SFXN5: variants seen among roughly 807,000 people sequenced by gnomAD.
The protein encoded by SFXN5 is sideroflexin 5.
Under a neutral mutation model 50.2 loss-of-function variants are expected in SFXN5, and 43 were observed. The ratio of observed to expected loss-of-function variants is 0.86; its 90% CI spans 0.67 to 1.11. The LOEUF (loss-of-function observed/expected upper bound fraction) is 1.11, where lower values mean the gene tolerates loss of function less well. SFXN5 is among the 50% of genes least tolerant of loss of function. SFXN5 has a pLI of 0.00. For synonymous variants in SFXN5, 203 were observed against 185.8 expected (o/e 1.09, Z -0.75); for missense variants, 463 against 454.1 (o/e 1.02, Z -0.18).
chr2:73,050,388 G>GCGCACACACACACACACACACACACACA lies in SFXN5; in HGVS notation c.171+8139_171+8140insTGTGTGTGTGTGTGTGTGTGTGTGTGCG. On this transcript the variant is annotated intron_variant, in intron 2 of 13. Transcript: ENST00000272433. ...GTGGAGGTAGCGCCGCAGCCACAGC[G>GCGCACACACACACACACACACACACACA]CACGCACACACACACACACACACAC... Among the ~76,000 whole-genome samples, 140 of 143,908 alleles carry GCGCACACACACACACACACACACACACA rather than the reference G, an allele frequency of 9.7e-4. 1 individual carries two copies. The Middle Eastern group carries it at 0.011, about 11-fold the overall frequency. 94.4% of individuals were successfully genotyped at this position (143,908 alleles called of 152,430 possible). A position where few individuals can be genotyped will look rare whatever the true frequency, so the allele number is the denominator to read the frequency against.
chr2:73,027,146 G>A (rs1677672809), intron 3 of SFXN5, among the ~76,000 whole-genome samples: 1 of 152,190 alleles, frequency 6.6e-6, no homozygotes. Flanking sequence ...ACTTATCATA[G>A]GAGATGACAG....
intron 9 of SFXN5, among the ~76,000 whole-genome samples, chr2:72,989,200 C>T (rs977581725): frequency 5.3e-5 from 8 of 152,180 alleles, no homozygotes; most frequent in Non-Finnish European, 1.0e-4. Context: ...TCAGATCCTC[C>T]GTGAGCCTTC....
intron 2 of SFXN5, chr2:73,058,228 G>T: frequency 3.8e-6 from 1 of 260,278 alleles, no homozygotes; most frequent in Non-Finnish European, 7.4e-6. Flanking sequence ...TTATGTACTT[G>T]ATAATAATTT....
chr2:73,064,615 A>T (rs1463156671), intron 1 of SFXN5, among the ~76,000 whole-genome samples: 1 of 152,136 alleles, frequency 6.6e-6, no homozygotes, highest in African/African-American at 2.4e-5. Context: ...CTCAGCCCAC[A>T]CAAATCTCCC....
intron 1 of SFXN5, among the ~76,000 whole-genome samples, chr2:73,064,761 T>C (rs1307586552): frequency 6.6e-6 from 1 of 152,196 alleles, no homozygotes; most frequent in Admixed American, 6.5e-5. Context: ...TCTCAGCAGA[T>C]AAGTGAGACT....
chr2:73,067,930 C>T (rs767038941), intron 1 of SFXN5, among the ~76,000 whole-genome samples: 9 of 152,188 alleles, frequency 5.9e-5, no homozygotes, highest in Non-Finnish European at 1.0e-4. Context: ...ATCATTGCAC[C>T]TGCTTCACAG....
At chr2:73,035,733 T>G (rs1453591748) in intron 3 of SFXN5, among the ~76,000 whole-genome samples, 3 of 152,034 alleles carry the variant, frequency 2.0e-5, no homozygotes, top group Non-Finnish European at 4.4e-5. Flanking sequence ...CTCCTGACTT[T>G]AGGTGATCCA....
intron 12 of SFXN5, among the ~76,000 whole-genome samples, chr2:72,966,112 C>T (rs995437644): frequency 3.3e-5 from 5 of 152,168 alleles, no homozygotes; most frequent in African/African-American, 4.8e-5. Context: ...TGATGTGGTA[C>T]GTGGGTGGAC....
At chr2:72,995,621 G>A (rs79371762) in intron 9 of SFXN5, among the ~76,000 whole-genome samples, 1 of 152,024 alleles carries the variant, frequency 6.6e-6, no homozygotes, top group Admixed American at 6.5e-5. Flanking sequence ...TGCTTGTAGG[G>A]ACTCGTTTTA....
At chr2:72,998,093 T>A (rs1238125240) in intron 9 of SFXN5, 1 of 151,944 alleles carries the variant, frequency 6.6e-6, no homozygotes, top group Non-Finnish European at 1.5e-5. Context: ...ATTTTCTAAT[T>A]TTTTTTTTCT....
chr2:72,975,088 A>C (rs1041235238), intron 10 of SFXN5, among the ~76,000 whole-genome samples: 4 of 152,238 alleles, frequency 2.6e-5, no homozygotes, highest in Non-Finnish European at 5.9e-5. Context: ...AAGGAATGAG[A>C]GAGAGAAAGA....
intron 3 of SFXN5, among the ~76,000 whole-genome samples, chr2:73,033,488 G>C (rs1271791493): frequency 6.6e-6 from 1 of 152,252 alleles, no homozygotes; most frequent in African/African-American, 2.4e-5. Context: ...AAGTAAGATA[G>C]TCAGGGTGGG....
chr2:73,048,112 T>C (rs1055158369), intron 2 of SFXN5, among the ~76,000 whole-genome samples: 5 of 152,260 alleles, frequency 3.3e-5, no homozygotes, highest in African/African-American at 9.6e-5. Context: ...TATATAACCA[T>C]GTATGACATC....
chr2:73,050,328 C>T (rs1681079140), intron 2 of SFXN5, among the ~76,000 whole-genome samples: 1 of 151,882 alleles, frequency 6.6e-6, no homozygotes, highest in Non-Finnish European at 1.5e-5. Context: ...TCTTCCTGGG[C>T]CCCAAGGCTG....
rs772981750 is a variant in SFXN5 at position 73,000,458 on chromosome 2, G to C, written c.441C>G (p.Val147=). 7.0e-6 allele frequency: 11 copies of C among 1,560,676 alleles called. No homozygotes were observed. The African/African-American group carries it at 9.5e-5, about 13-fold the overall frequency. The change falls in exon 8 of 14, where the codon GTC becomes GTG. Residue 147 remains valine (V), a synonymous_variant. Transcript: ENST00000272433. ...TGGTCGCATTGCGGTTTGCATAGTT[G>C]ACACAGGCATTGTGGCTCTGGTTCA... is the stretch of plus-strand genomic sequence containing the variant. ...QWLNQSHNAC[V]NYANRNATKP...
rs1040803262 is a variant in SFXN5, at chr2:73,022,689, A to G, written c.277-113T>C. 3.4e-5 allele frequency: 24 copies of G among 712,690 alleles called. No homozygotes were observed. In the African/African-American group the frequency reaches 3.9e-4, roughly 11 times the overall value. 44.1% of individuals were successfully genotyped at this position (712,690 alleles called of 1,614,324 possible). A position where few individuals can be genotyped will look rare whatever the true frequency, so the allele number is the denominator to read the frequency against. Reference sequence around the variant, plus strand: ...GAGGCATTAGGGGAGGAAGAAGGGAAGAAGACAACTTCTCTGGGAAGATTC... The same window carrying G: ...GAGGCATTAGGGGAGGAAGAAGGGAGGAAGACAACTTCTCTGGGAAGATTC... On this transcript the variant is annotated intron_variant, in intron 4 of 13. Transcript: ENST00000272433.
chr2:73,031,758 C>T (rs1456247329), intron 3 of SFXN5, among the ~76,000 whole-genome samples: 2 of 152,210 alleles, frequency 1.3e-5, no homozygotes, highest in Admixed American at 6.5e-5. Context: ...CTGATCCCAT[C>T]ACCAGGCTGC....
intron 10 of SFXN5, among the ~76,000 whole-genome samples, chr2:72,974,661 CCAGCCAT>C (rs1670413304): frequency 6.6e-6 from 1 of 152,174 alleles, no homozygotes; most frequent in African/African-American, 2.4e-5. Context: ...GCAGAGGCTA[CCAGCCAT>C]CCATGCCCTT....
chr2:72,963,343 C>A (rs72918384), intron 12 of SFXN5, among the ~76,000 whole-genome samples: 2,768 of 152,284 alleles, frequency 0.018, 63 homozygotes, highest in African/African-American at 0.062. Context: ...ACTAGACAGA[C>A]CCCCTTTCTG....
Sources: allele counts gnomAD v4.1 joint callset (sites outside exome capture counted in the v4.1 genomes callset), GRCh38; gene constraint gnomAD v4.1.1; transcripts MANE v1.5; gene names NCBI Gene and HGNC (gene_info 2026-07-23, HGNC 2026-07-21).